The following ABTB2 variants were observed in gnomAD, a reference collection of about 807,000 sequenced individuals.
ABTB2 encodes ankyrin repeat and BTB/POZ domain-containing protein 2.
Under a neutral mutation model 104.1 loss-of-function variants are expected in ABTB2, and 56 were observed. The ratio of observed to expected loss-of-function variants is 0.54; its 90% CI spans 0.43 to 0.67. The LOEUF (loss-of-function observed/expected upper bound fraction) is 0.67. Among genes scored for constraint, ABTB2 ranks in the 30% least tolerant of loss-of-function variants. The probability of loss-of-function intolerance (pLI) is 0.00; values close to 1 mark genes in which losing one functional copy is unlikely to be tolerated. For missense variants in ABTB2, 1,279 were observed against 1,407.7 expected, an observed-to-expected ratio of 0.91 and a Z score of 1.46; for synonymous variants, 606 against 608.2, an observed-to-expected ratio of 1.00 and a Z score of 0.05.
At chr11:34,181,340 T>C (rs936343178) in intron 3 of ABTB2, among the ~76,000 whole-genome samples, 1 of 152,178 alleles carries the variant, frequency 6.6e-6, no homozygotes, top group East Asian at 1.9e-4. Flanking sequence ...CTTAACAACA[T>C]GGAACAGGAA....
chr11:34,172,889 C>T (rs1240002302), intron 4 of ABTB2, among the ~76,000 whole-genome samples: 4 of 152,228 alleles, frequency 2.6e-5, no homozygotes, highest in Non-Finnish European at 4.4e-5. Flanking sequence ...TGTGTGGGCT[C>T]TCCTGCCCCA....
chr11:34,158,660 G>A (rs1398443689), intron 14 of ABTB2, among the ~76,000 whole-genome samples: 1 of 152,214 alleles, frequency 6.6e-6, no homozygotes, highest in African/African-American at 2.4e-5. Context: ...GGGTTCAGCT[G>A]AGATCCCAGC....
chr11:34,331,733 T>C (rs1354235053), intron 1 of ABTB2, among the ~76,000 whole-genome samples: 1 of 152,214 alleles, frequency 6.6e-6, no homozygotes, highest in African/African-American at 2.4e-5. Context: ...GTGATAATCT[T>C]TTGCAGAGCC....
intron 1 of ABTB2, among the ~76,000 whole-genome samples, chr11:34,284,969 G>A (rs1049743252): frequency 6.6e-6 from 1 of 152,242 alleles, no homozygotes; most frequent in African/African-American, 2.4e-5. Flanking sequence ...TCAGCTGCCA[G>A]CTCCGCTGTG....
At chr11:34,354,006 A>G (rs1465607635) in intron 1 of ABTB2, among the ~76,000 whole-genome samples, 2 of 152,232 alleles carry the variant, frequency 1.3e-5, no homozygotes, top group Admixed American at 1.3e-4. Flanking sequence ...GCTTTCAGAC[A>G]TAAGTAATTC....
chr11:34,248,095 T>TTTTTTTTTTTTTTTTTTTTTTA (rs2133067250), intron 1 of ABTB2, among the ~76,000 whole-genome samples: 1 of 127,924 alleles, frequency 7.8e-6, no homozygotes, highest in East Asian at 2.1e-4. Context: ...ATAATTTTTC[T>TTTTTTTTTTTTTTTTTTTTTTA]TAAAAAAAAA....
rs7120648 is a variant in ABTB2 at position 34,208,093 on chromosome 11, C to A, written c.884-3403G>T. 9.8e-3 allele frequency among the ~76,000 whole-genome samples: 1,486 copies of A among 152,272 alleles called. 23 individuals are homozygous for A. The highest frequency in any genetic ancestry group is 0.033 in the African/African-American group (1,353 of 41,546). Reference sequence around the variant, plus strand: ...CTACATCAATTCTAAATTCTCTCTCCCACATCAGCTCATTCCTCAGCAGTT... The same window carrying A: ...CTACATCAATTCTAAATTCTCTCTCACACATCAGCTCATTCCTCAGCAGTT... On this transcript the variant is annotated intron_variant, in intron 1 of 16. Transcript: ENST00000435224.
chr11:34,295,805 T>C (rs888855786), intron 1 of ABTB2, among the ~76,000 whole-genome samples: 2 of 151,756 alleles, frequency 1.3e-5, no homozygotes, highest in Non-Finnish European at 2.9e-5. Flanking sequence ...TGTCCTCACA[T>C]GGCAGAAAGA....
chr11:34,266,802 T>C (rs953181730), intron 1 of ABTB2, among the ~76,000 whole-genome samples: 2 of 151,638 alleles, frequency 1.3e-5, no homozygotes, highest in African/African-American at 4.8e-5. Flanking sequence ...TGTAGACATG[T>C]GGTAGTCGTT....
intron 1 of ABTB2, among the ~76,000 whole-genome samples, chr11:34,223,283 G>A (rs1249158596): frequency 6.6e-6 from 1 of 152,106 alleles, no homozygotes; most frequent in Non-Finnish European, 1.5e-5. Flanking sequence ...GTCCCAAAGA[G>A]GCAGCCCCAT....
chr11:34,199,437 T>C (rs1361927127), intron 2 of ABTB2, among the ~76,000 whole-genome samples: 1 of 152,318 alleles, frequency 6.6e-6, no homozygotes, highest in Non-Finnish European at 1.5e-5. Context: ...CTGGTTTCCA[T>C]CCCTGTGACC....
intron 1 of ABTB2, among the ~76,000 whole-genome samples, chr11:34,272,886 G>A (rs1265588835): frequency 6.6e-6 from 1 of 151,988 alleles, no homozygotes; most frequent in Non-Finnish European, 1.5e-5. Flanking sequence ...CAGACTGTCT[G>A]AGTTCTAAAG....
chr11:34,224,097 A>G (rs1853658141), intron 1 of ABTB2, among the ~76,000 whole-genome samples: 1 of 152,138 alleles, frequency 6.6e-6, no homozygotes, highest in Non-Finnish European at 1.5e-5. Flanking sequence ...CTTTGGCACA[A>G]TCTGCTCACT....
At chr11:34,300,810 G>T (rs1400968448) in intron 1 of ABTB2, among the ~76,000 whole-genome samples, 2 of 152,174 alleles carry the variant, frequency 1.3e-5, no homozygotes, top group Admixed American at 1.3e-4. Context: ...GACTGTAAAT[G>T]CTTCCCCTTT....
intron 1 of ABTB2, among the ~76,000 whole-genome samples, chr11:34,265,468 C>T (rs11032587): frequency 4.4e-4 from 67 of 152,002 alleles, no homozygotes; most frequent in African/African-American, 1.6e-3. Context: ...TCAGACCAGT[C>T]TGATCAACAT....
chr11:34,292,069 C>T (rs1854569851), intron 1 of ABTB2, among the ~76,000 whole-genome samples: 1 of 152,064 alleles, frequency 6.6e-6, no homozygotes, highest in South Asian at 2.1e-4. Flanking sequence ...TTGAAATCTA[C>T]CAAATTAGGG....
intron 1 of ABTB2, among the ~76,000 whole-genome samples, chr11:34,350,447 C>CAAATAA (rs1175274955): frequency 2.6e-5 from 4 of 152,202 alleles, no homozygotes; most frequent in African/African-American, 9.7e-5. Context: ...TGGTCACCAG[C>CAAATAA]AGGTGACACT....
At chr11:34,340,333 C>T (rs72916711) in intron 1 of ABTB2, among the ~76,000 whole-genome samples, 14,030 of 152,280 alleles carry the variant, frequency 0.092, 840 homozygotes, top group Non-Finnish European at 0.13. Context: ...TGGCTGCTAC[C>T]TGCCATGTGC....
At chr11:34,233,194 T>G (rs558391461) in intron 1 of ABTB2, among the ~76,000 whole-genome samples, 20 of 139,552 alleles carry the variant, frequency 1.4e-4, no homozygotes, top group African/African-American at 5.3e-4. Context: ...TTAGGACACC[T>G]GGGCTTGGTG....
Sources: allele counts gnomAD v4.1 joint callset (sites outside exome capture counted in the v4.1 genomes callset), GRCh38; gene constraint gnomAD v4.1.1; transcripts MANE v1.5; gene names NCBI Gene and HGNC (gene_info 2026-07-23, HGNC 2026-07-21).